The following PAQR5 variants were observed in gnomAD, a reference collection of about 807,000 sequenced individuals.
The protein encoded by PAQR5 is membrane progestin receptor gamma.
A neutral mutation model predicts 34.5 loss-of-function variants in PAQR5; 20 were observed. That is an observed-to-expected ratio of 0.58 (90% CI 0.41 to 0.84). The LOEUF is 0.84. Ranked by LOEUF, PAQR5 falls within the 40% of genes least tolerant of loss-of-function variation. The pLI, the probability that PAQR5 is intolerant of heterozygous loss-of-function variation, is 0.00. For synonymous variants in PAQR5, 131 were observed against 155.6 expected (o/e 0.84, Z 1.18); for missense variants, 378 against 412.7 (o/e 0.92, Z 0.73).
chr15:69,400,093 C>G lies in PAQR5; in HGVS notation c.729C>G (p.Ala243=), dbSNP rs764424180. ...LYSAHLPERL[A]PGRFDYIGHS... ...CTGCACATCTGCCAGAACGCCTAGCCCCTGGACGCTTTGACTACATCGGTG... is the reference window on the plus strand; with the variant it reads ...CTGCACATCTGCCAGAACGCCTAGCGCCTGGACGCTTTGACTACATCGGTG... Residue 243 remains alanine (A), a synonymous_variant, in exon 8 of 9, where the codon GCC becomes GCG. Transcript: ENST00000395407. The G allele has an allele frequency of 6.2e-7, 1 of 1,613,730 alleles. No homozygotes were observed. Among genetic ancestry groups the G allele is most frequent in the Non-Finnish European group, 8.5e-7 (1 of 1,179,884 alleles).
At chr15:69,364,346 C>T (rs2055324561) in intron 3 of PAQR5, among the ~76,000 whole-genome samples, 1 of 151,330 alleles carries the variant, frequency 6.6e-6, no homozygotes, top group Admixed American at 6.6e-5. Flanking sequence ...CGGTGGGTCA[C>T]ACCTGTAATC....
At chr15:69,314,978 G>A (rs1337062674) in intron 1 of PAQR5, among the ~76,000 whole-genome samples, 2 of 152,112 alleles carry the variant, frequency 1.3e-5, no homozygotes, top group South Asian at 2.1e-4. Flanking sequence ...TGCTGGTGCC[G>A]GGCACTCTAT....
chr15:69,322,786 ACG>A (rs1304232681), intron 1 of PAQR5, among the ~76,000 whole-genome samples: 1,339 of 100,206 alleles, frequency 0.013, 292 homozygotes, highest in Middle Eastern at 0.018. Context: ...GAAGAAGAAG[ACG>A]AGGAAGAAGA....
At chr15:69,327,214 C>T (rs2054273717) in intron 1 of PAQR5, among the ~76,000 whole-genome samples, 1 of 152,028 alleles carries the variant, frequency 6.6e-6, no homozygotes, top group Non-Finnish European at 1.5e-5. Context: ...CCAGGCTGGT[C>T]TTGAACTCCT....
At position 69,395,741 on chromosome 15, in the gene PAQR5, G is replaced by A. The variant is rs145860567; in HGVS notation, c.513-1727G>A. ...CAAGCTCTCCACATAAAATCACAGTGCTGCGCTGCCTCACCTCTCCGGGAG... is the reference window on the plus strand; with the variant it reads ...CAAGCTCTCCACATAAAATCACAGTACTGCGCTGCCTCACCTCTCCGGGAG... On this transcript the variant is annotated intron_variant, in intron 6 of 8. Transcript: ENST00000395407. Among the ~76,000 whole-genome samples, 733 of 152,236 alleles carry A rather than the reference G, an allele frequency of 4.8e-3. 8 individuals are homozygous for A. Among genetic ancestry groups the A allele is most frequent in the African/African-American group, 0.017 (711 of 41,542 alleles).
At chr15:69,343,604 A>T (rs1910380) in intron 2 of PAQR5, among the ~76,000 whole-genome samples, 120,030 of 152,278 alleles carry the variant, frequency 0.79, 50,775 homozygotes, top group Non-Finnish European at 0.95. Context: ...TATTCACAAT[A>T]ACTGTCTTTC....
At chr15:69,348,589 AG>A (rs1202109699) in intron 2 of PAQR5, among the ~76,000 whole-genome samples, 4 of 152,138 alleles carry the variant, frequency 2.6e-5, no homozygotes, top group Non-Finnish European at 5.9e-5. Context: ...GGGTACTGTG[AG>A]GGTTAATTTT....
At chr15:69,333,654 T>C (rs561867175) in intron 1 of PAQR5, among the ~76,000 whole-genome samples, 1 of 152,318 alleles carries the variant, frequency 6.6e-6, no homozygotes, top group Admixed American at 6.5e-5. Context: ...ATTTCCCTCC[T>C]GTTGGGGATC....
At chr15:69,317,204 AG>A (rs1224637089) in intron 1 of PAQR5, among the ~76,000 whole-genome samples, 6 of 152,342 alleles carry the variant, frequency 3.9e-5, no homozygotes, top group African/African-American at 1.4e-4. Context: ...GAGGAAAGTG[AG>A]GCCCAGAGGG....
At chr15:69,332,150 T>G (rs2054394053) in intron 1 of PAQR5, among the ~76,000 whole-genome samples, 1 of 152,242 alleles carries the variant, frequency 6.6e-6, no homozygotes, top group South Asian at 2.1e-4. Flanking sequence ...AAAAAAGGAT[T>G]TGTGAGACTA....
intron 2 of PAQR5, among the ~76,000 whole-genome samples, chr15:69,349,237 C>T (rs2054850123): frequency 1.3e-5 from 2 of 152,154 alleles, no homozygotes; most frequent in African/African-American, 4.8e-5. Flanking sequence ...AATGTCCTCT[C>T]CAAGGCAGTT....
At chr15:69,319,446 C>A (rs1032324106) in intron 1 of PAQR5, among the ~76,000 whole-genome samples, 2 of 151,540 alleles carry the variant, frequency 1.3e-5, no homozygotes, top group Admixed American at 6.6e-5. Context: ...CAGCTCAGAG[C>A]AGTTGTTCCC....
rs868638541 is a variant in PAQR5, at chr15:69,300,651, T to C, written c.-277+1595T>C. ...TTTCTTTCTTTCTTTCTTTCTTTCT[T>C]TTCTTTCTTTCTTTCATTCTTTCTC... On this transcript the variant is annotated intron_variant, in intron 1 of 8. Coordinates refer to ENST00000395407, the MANE Select transcript of PAQR5 (RefSeq NM_017705.4). 1.5e-3 allele frequency among the ~76,000 whole-genome samples: 29 copies of C among 19,234 alleles called. 4 individuals are homozygous for C. The highest frequency in any genetic ancestry group is 7.5e-3 in the Admixed American group (11 of 1,472). 12.6% of individuals were successfully genotyped at this position (19,234 alleles called of 152,430 possible).
rs541459178 is a variant in PAQR5 at position 69,347,029 on chromosome 15, C to A, written c.-116+9528C>A. Reference sequence around the variant, plus strand: ...TACAGATGAGGTTTCACCACGTTGGCCAGGCCGGTCTCAGACTCCTGACCT... The same window carrying A: ...TACAGATGAGGTTTCACCACGTTGGACAGGCCGGTCTCAGACTCCTGACCT... On this transcript the variant is annotated intron_variant, in intron 2 of 8. Transcript: ENST00000395407. Among the ~76,000 whole-genome samples the A allele has an allele frequency of 1.3e-3, 191 of 152,184 alleles. 1 individual carries two copies. Among genetic ancestry groups the A allele is most frequent in the Non-Finnish European group, 2.3e-3 (156 of 67,998 alleles).
In PAQR5 at chr15:69,384,606, G is replaced by A. The variant is rs190802703; in HGVS notation, c.180-71G>A. On this transcript the variant is annotated intron_variant, in intron 4 of 8. Coordinates refer to ENST00000395407, the MANE Select transcript of PAQR5 (RefSeq NM_017705.4). ...ATGGTGGAAGGTGAGCGGGTCCTCT[G>A]TGTTCATGGTGGAGGGTGAGCGGGC... 1.1e-4 allele frequency: 101 copies of A among 902,972 alleles called. 12 individuals are homozygous for A. The African/African-American group carries it at 1.3e-3, about 11-fold the overall frequency. The allele number at this position is 902,972 out of a possible 1,614,324, so 55.9% of individuals were successfully genotyped here. A position where few individuals can be genotyped will look rare whatever the true frequency, so the allele number is the denominator to read the frequency against.
At chr15:69,362,330 A>G (rs1487138325) in intron 3 of PAQR5, among the ~76,000 whole-genome samples, 1 of 152,186 alleles carries the variant, frequency 6.6e-6, no homozygotes, top group African/African-American at 2.4e-5. Flanking sequence ...AGCATCCACT[A>G]TTGGGTTTTT....
intron 1 of PAQR5, among the ~76,000 whole-genome samples, chr15:69,304,133 A>G (rs547607876): frequency 6.6e-6 from 1 of 152,292 alleles, no homozygotes; most frequent in East Asian, 1.9e-4. Flanking sequence ...TCTGTGACTG[A>G]GGCCATTGTA....
rs562953185 is a variant in PAQR5, at chr15:69,298,921, C to A, written c.-412C>A. 2 of 151,952 alleles carry A rather than the reference C, an allele frequency of 1.3e-5. No homozygotes were observed. Among genetic ancestry groups the A allele is most frequent in the African/African-American group, 2.4e-5 (1 of 41,400 alleles). The allele number at this position is 151,952 out of a possible 1,614,324, so 9.4% of individuals were successfully genotyped here. A position where few individuals can be genotyped will look rare whatever the true frequency, so the allele number is the denominator to read the frequency against. On this transcript the variant is annotated 5_prime_UTR_variant, in exon 1 of 9. Coordinates refer to ENST00000395407, the MANE Select transcript of PAQR5 (RefSeq NM_017705.4). The stretch of plus-strand genomic sequence containing the variant: ...ACGGGCGGGGACCGGCATGGGTAGG[C>A]GCGGCGACCCGCAGGGCCAGGTGCA...
intron 5 of PAQR5, among the ~76,000 whole-genome samples, chr15:69,388,208 G>T (rs1049148697): frequency 1.3e-4 from 20 of 152,164 alleles, no homozygotes; most frequent in Non-Finnish European, 7.3e-5. Context: ...GGCTTCCAGG[G>T]GTTCCTCCCT....
Sources: allele counts gnomAD v4.1 joint callset (sites outside exome capture counted in the v4.1 genomes callset), GRCh38; gene constraint gnomAD v4.1.1; transcripts MANE v1.5; gene names NCBI Gene and HGNC (gene_info 2026-07-23, HGNC 2026-07-21).